The following EPHA6 variants were observed in gnomAD, a reference collection of about 807,000 sequenced individuals.
EPHA6 encodes EPH receptor A6.
EPHA6 carries 50 observed loss-of-function variants against 112.0 expected under a neutral mutation model. The observed-to-expected ratio is 0.45, with a 90% CI of 0.36 to 0.56. The LOEUF (loss-of-function observed/expected upper bound fraction) is 0.56. Ranked by LOEUF, EPHA6 falls within the 20% of genes least tolerant of loss-of-function variation. EPHA6 has a pLI of 0.00. For missense variants in EPHA6, 1,280 were observed against 1,417.4 expected, an observed-to-expected ratio of 0.90 and a Z score of 1.56; for synonymous variants, 529 against 490.7, an observed-to-expected ratio of 1.08 and a Z score of -1.03.
intron 7 of EPHA6, among the ~76,000 whole-genome samples, chr3:97,450,505 A>C (rs2090490546): frequency 6.6e-6 from 1 of 152,054 alleles, no homozygotes; most frequent in South Asian, 2.1e-4. Context: ...CATCTAAATA[A>C]GTCATTTGTG....
intron 5 of EPHA6, among the ~76,000 whole-genome samples, chr3:97,285,318 C>T (rs2080427587): frequency 6.6e-6 from 1 of 152,050 alleles, no homozygotes; most frequent in Non-Finnish European, 1.5e-5. Context: ...AATATTAGAA[C>T]TTAATCCTTC....
At chr3:97,020,085 T>G (rs1444111341) in intron 3 of EPHA6, among the ~76,000 whole-genome samples, 1 of 152,176 alleles carries the variant, frequency 6.6e-6, no homozygotes, top group Non-Finnish European at 1.5e-5. Context: ...AGCCTATGCC[T>G]CAAGTGGCCT....
intron 1 of EPHA6, among the ~76,000 whole-genome samples, chr3:96,854,074 C>T (rs2035549933): frequency 6.6e-6 from 1 of 151,334 alleles, no homozygotes; most frequent in Non-Finnish European, 1.5e-5. Context: ...TCCTCACCTA[C>T]TCATAATTGT....
intron 6 of EPHA6, among the ~76,000 whole-genome samples, chr3:97,438,606 AC>A (rs1167429675): frequency 6.6e-6 from 1 of 152,204 alleles, no homozygotes; most frequent in Non-Finnish European, 1.5e-5. Context: ...TGCTAGGCAT[AC>A]TGTATTAAGT....
chr3:97,144,880 T>G (rs1383055303), intron 3 of EPHA6, among the ~76,000 whole-genome samples: 2 of 151,520 alleles, frequency 1.3e-5, no homozygotes, highest in African/African-American at 4.8e-5. Context: ...TCTTTCTTAA[T>G]GTCTGCTGCA....
At chr3:97,073,851 A>C (rs1424654293) in intron 3 of EPHA6, among the ~76,000 whole-genome samples, 2 of 152,064 alleles carry the variant, frequency 1.3e-5, no homozygotes, top group East Asian at 3.9e-4. Context: ...TTTTAAAACA[A>C]AATATGTATG....
chr3:97,144,369 G>A lies in EPHA6; in HGVS notation c.1115-81895G>A, dbSNP rs138296986. On this transcript the variant is annotated intron_variant, in intron 3 of 17. Transcript: ENST00000389672. ...AACTTTACAATTATATGGATCAATA[G>A]GGCTTATAACAAAAAGAAAGAAATT... Among the ~76,000 whole-genome samples the A allele has an allele frequency of 3.3e-5, 5 of 151,022 alleles. No individual in the cohort carries two copies. In the East Asian group the frequency reaches 9.7e-4, roughly 29 times the overall value.
rs780244403 is a variant in EPHA6 at position 97,492,547 on chromosome 3, C to CAAAAAAAAAAAAAAAAAA, written c.2200+8518_2200+8535dup. The stretch of plus-strand genomic sequence containing the variant: ...ACAGAGCGAGAGTGAGACTCAGTCT[C>CAAAAAAAAAAAAAAAAAA]AAAAAAAAAAAAAAAAAAAAAAAAA... On this transcript the variant is annotated intron_variant, in intron 10 of 17. Transcript: ENST00000389672. 2.4e-4 allele frequency among the ~76,000 whole-genome samples: 7 copies of CAAAAAAAAAAAAAAAAAA among 28,944 alleles called. 2 individuals are homozygous for CAAAAAAAAAAAAAAAAAA. Among genetic ancestry groups the CAAAAAAAAAAAAAAAAAA allele is most frequent in the Non-Finnish European group, 4.7e-4 (6 of 12,638 alleles). The allele number at this position is 28,944 out of a possible 152,430, so 19.0% of individuals were successfully genotyped here. A position where few individuals can be genotyped will look rare whatever the true frequency, so the allele number is the denominator to read the frequency against.
At chr3:96,893,163 T>A (rs2038074019) in intron 2 of EPHA6, among the ~76,000 whole-genome samples, 1 of 152,186 alleles carries the variant, frequency 6.6e-6, no homozygotes, top group Admixed American at 6.5e-5. Flanking sequence ...TAAACAAACC[T>A]ACTGCGCTGC....
intron 14 of EPHA6, among the ~76,000 whole-genome samples, chr3:97,644,960 CA>C (rs2094045224): frequency 6.6e-6 from 1 of 151,484 alleles, no homozygotes; most frequent in South Asian, 2.1e-4. Context: ...ATTCTGATAC[CA>C]AAGCCGGGCA....
chr3:97,066,507 G>A (rs2046183074), intron 3 of EPHA6, among the ~76,000 whole-genome samples: 1 of 152,138 alleles, frequency 6.6e-6, no homozygotes, highest in Non-Finnish European at 1.5e-5. Context: ...GAAGAGAAAG[G>A]TTTCATAAAA....
intron 1 of EPHA6, among the ~76,000 whole-genome samples, chr3:96,861,981 A>G (rs948446541): frequency 4.0e-5 from 6 of 151,884 alleles, no homozygotes; most frequent in African/African-American, 7.2e-5. Flanking sequence ...GTGTGAGGGT[A>G]GTTACCCATA....
chr3:97,725,792 T>G (rs1421397992), intron 15 of EPHA6, among the ~76,000 whole-genome samples: 1 of 152,076 alleles, frequency 6.6e-6, no homozygotes, highest in Non-Finnish European at 1.5e-5. Context: ...ATATCCCAGA[T>G]GTTGTCCCGT....
At chr3:97,633,152 C>G (rs1284191532) in intron 13 of EPHA6, among the ~76,000 whole-genome samples, 1 of 152,174 alleles carries the variant, frequency 6.6e-6, no homozygotes, top group South Asian at 2.1e-4. Flanking sequence ...CTGAGAGAGT[C>G]TGATGGAGCT....
At chr3:96,839,306 C>T (rs939622926) in intron 1 of EPHA6, among the ~76,000 whole-genome samples, 3 of 151,970 alleles carry the variant, frequency 2.0e-5, no homozygotes, top group African/African-American at 7.2e-5. Flanking sequence ...CTCATAGGAG[C>T]GTGAACCCTA....
At chr3:97,136,403 A>G (rs1163795725) in intron 3 of EPHA6, among the ~76,000 whole-genome samples, 1 of 152,164 alleles carries the variant, frequency 6.6e-6, no homozygotes, top group African/African-American at 2.4e-5. Context: ...TAAACAGTGT[A>G]TTAGAAAAGG....
chr3:96,914,902 A>G (rs944656700), intron 2 of EPHA6, among the ~76,000 whole-genome samples: 25 of 152,118 alleles, frequency 1.6e-4, no homozygotes, highest in Admixed American at 2.6e-4. Context: ...TAGCAAAATG[A>G]CATTCAGATT....
intron 2 of EPHA6, among the ~76,000 whole-genome samples, chr3:96,870,031 G>A (rs1265416564): frequency 6.6e-6 from 1 of 152,060 alleles, no homozygotes; most frequent in Non-Finnish European, 1.5e-5. Flanking sequence ...TGGACATAGT[G>A]AATTGGTATT....
At chr3:97,558,681 G>T (rs1382918503) in intron 11 of EPHA6, among the ~76,000 whole-genome samples, 2 of 151,938 alleles carry the variant, frequency 1.3e-5, no homozygotes, top group African/African-American at 2.4e-5. Flanking sequence ...AATATGTCCA[G>T]GCCTTTAAAC....
Sources: allele counts gnomAD v4.1 joint callset (sites outside exome capture counted in the v4.1 genomes callset), GRCh38; gene constraint gnomAD v4.1.1; transcripts MANE v1.5; gene names NCBI Gene and HGNC (gene_info 2026-07-23, HGNC 2026-07-21).